ZCWPW2: variants seen among roughly 807,000 people sequenced by gnomAD.
The protein encoded by ZCWPW2 is zinc finger CW-type and PWWP domain containing 2.
ZCWPW2 carries 45 observed loss-of-function variants against 46.6 expected under a neutral mutation model. That is an observed-to-expected ratio of 0.96 (90% confidence interval 0.76 to 1.24). The LOEUF (loss-of-function observed/expected upper bound fraction) is 1.24. Ranked by LOEUF, ZCWPW2 falls within the 50% of genes most tolerant of loss-of-function variation. The pLI, the probability that ZCWPW2 is intolerant of heterozygous loss-of-function variation, is 0.00. For synonymous variants in ZCWPW2, 152 were observed against 137.1 expected, an observed-to-expected ratio of 1.11 and a Z score of -0.76; for missense variants, 429 against 403.9, an observed-to-expected ratio of 1.06 and a Z score of -0.53.
At chr3:28,468,088 G>T (rs1075144) in intron 4 of ZCWPW2, among the ~76,000 whole-genome samples, 2 of 151,908 alleles carry the variant, frequency 1.3e-5, no homozygotes, top group Admixed American at 1.3e-4. Flanking sequence ...AAGGAATTTC[G>T]AATTCTATCA....
chr3:28,447,057 T>C (rs189039844), intron 4 of ZCWPW2, among the ~76,000 whole-genome samples: 13 of 152,246 alleles, frequency 8.5e-5, no homozygotes, highest in African/African-American at 2.9e-4. Flanking sequence ...TTAGACATGA[T>C]GGCTTCACTT....
At chr3:28,479,981 G>A (rs1699374330) in intron 5 of ZCWPW2, among the ~76,000 whole-genome samples, 1 of 151,992 alleles carries the variant, frequency 6.6e-6, no homozygotes. Context: ...CCATTGATGG[G>A]CATTTAGGTT....
chr3:28,399,741 A>C (rs1235869515), intron 2 of ZCWPW2, among the ~76,000 whole-genome samples: 1 of 152,200 alleles, frequency 6.6e-6, no homozygotes, highest in Non-Finnish European at 1.5e-5. Flanking sequence ...AGAGTACTAC[A>C]TCAAGGTAAT....
chr3:28,429,769 A>G (rs1242866552), intron 3 of ZCWPW2, among the ~76,000 whole-genome samples: 2 of 152,084 alleles, frequency 1.3e-5, no homozygotes, highest in Non-Finnish European at 2.9e-5. Context: ...TGTCCCAGCC[A>G]TGGCTAAAAG....
intron 1 of ZCWPW2, among the ~76,000 whole-genome samples, chr3:28,350,102 T>G (rs539296304): frequency 4.7e-4 from 72 of 152,344 alleles, no homozygotes; most frequent in Admixed American, 2.1e-3. Flanking sequence ...AGAGCAGTGT[T>G]TTTAATATTT....
rs1055908766 is a variant in ZCWPW2 at position 28,474,637 on chromosome 3, G to A, written c.493-4177G>A. On this transcript the variant is annotated intron_variant, in intron 4 of 9. Transcript: ENST00000383768. ...TGTGTGTGTGCGCGCGCGCGCGCGCGCACATGCGCATTTGTGTATGTGTAT... is the reference window on the plus strand; with the variant it reads ...TGTGTGTGTGCGCGCGCGCGCGCGCACACATGCGCATTTGTGTATGTGTAT... Among the ~76,000 whole-genome samples, 17 of 150,848 alleles carry A rather than the reference G, an allele frequency of 1.1e-4. No homozygotes were observed. In the East Asian group the frequency reaches 2.2e-3, roughly 19 times the overall value.
At chr3:28,357,435 A>T (rs928589582) in intron 1 of ZCWPW2, among the ~76,000 whole-genome samples, 2 of 152,102 alleles carry the variant, frequency 1.3e-5, no homozygotes, top group Admixed American at 6.6e-5. Context: ...TATTTTTGGG[A>T]TGTCTTTGAG....
chr3:28,498,325 A>C (rs957113722), intron 6 of ZCWPW2, among the ~76,000 whole-genome samples: 1 of 150,806 alleles, frequency 6.6e-6, no homozygotes, highest in African/African-American at 2.4e-5. Flanking sequence ...AATTGAGACA[A>C]CTCTGTCTGC....
At chr3:28,386,450 G>A (rs942981723) in intron 1 of ZCWPW2, among the ~76,000 whole-genome samples, 2 of 152,064 alleles carry the variant, frequency 1.3e-5, no homozygotes, top group East Asian at 3.9e-4. Flanking sequence ...TCCCCAAGCA[G>A]ACTAATAGAT....
At position 28,413,238 on chromosome 3, in the gene ZCWPW2, C is replaced by CT; in HGVS notation, c.170_171insT (p.Trp58MetfsTer8). 1 of 1,613,206 alleles carries CT rather than the reference C, an allele frequency of 6.2e-7. No homozygotes were observed. Among genetic ancestry groups the CT allele is most frequent in the South Asian group, 1.1e-5 (1 of 91,052 alleles). ...TCAGCCAAGGTTGATCATGATGAAC[C>CT]ATGGTACTGCTTCATGAACACTGAT... On this transcript the variant is annotated frameshift_variant, in exon 3 of 10. Transcript: ENST00000383768. LOFTEE classifies it high-confidence loss of function.
rs1257956598 is a variant in ZCWPW2, at chr3:28,492,622, A to C, written c.657+449A>C. On this transcript the variant is annotated intron_variant, in intron 6 of 9. Transcript: ENST00000383768. ...ATTTTCTGAACCTGGAATTTTGTAA[A>C]TGAAAATTGTCAACAGCATTTTTAA... Among the ~76,000 whole-genome samples, 6 of 152,260 alleles carry C rather than the reference A, an allele frequency of 3.9e-5. No homozygotes were observed. In the East Asian group the frequency reaches 1.2e-3, roughly 29 times the overall value.
At chr3:28,414,007 C>G (rs1368413477) in intron 3 of ZCWPW2, among the ~76,000 whole-genome samples, 1 of 151,816 alleles carries the variant, frequency 6.6e-6, no homozygotes, top group Admixed American at 6.6e-5. Context: ...GTTGGTTTTC[C>G]CAAGTATGCA....
chr3:28,353,895 C>T (rs945186771), intron 1 of ZCWPW2, among the ~76,000 whole-genome samples: 6 of 152,118 alleles, frequency 3.9e-5, no homozygotes, highest in African/African-American at 1.2e-4. Flanking sequence ...GGAGGGAATC[C>T]TATACTTCTT....
At chr3:28,355,436 A>G (rs150418781) in intron 1 of ZCWPW2, among the ~76,000 whole-genome samples, 3,985 of 152,332 alleles carry the variant, frequency 0.026, 153 homozygotes, top group African/African-American at 0.085. Context: ...AAGGTAATTT[A>G]TAGATTCAAT....
chr3:28,392,679 G>A (rs1695542614), intron 2 of ZCWPW2, among the ~76,000 whole-genome samples: 1 of 152,032 alleles, frequency 6.6e-6, no homozygotes, highest in Non-Finnish European at 1.5e-5. Flanking sequence ...TTCACAAAAT[G>A]TGGTAATTAA....
chr3:28,360,484 C>T (rs991005737), intron 1 of ZCWPW2, among the ~76,000 whole-genome samples: 7 of 148,108 alleles, frequency 4.7e-5, no homozygotes, highest in South Asian at 4.3e-4. Context: ...GATTGCACCA[C>T]GGCACTCCAG....
intron 8 of ZCWPW2, among the ~76,000 whole-genome samples, chr3:28,516,797 A>G (rs2125835838): frequency 6.6e-6 from 1 of 152,084 alleles, no homozygotes; most frequent in Non-Finnish European, 1.5e-5. Flanking sequence ...CCTTGAGCCC[A>G]GGAGTTAAAG....
chr3:28,490,791 T>C (rs1468042211), intron 5 of ZCWPW2, among the ~76,000 whole-genome samples: 1 of 152,072 alleles, frequency 6.6e-6, no homozygotes, highest in Non-Finnish European at 1.5e-5. Context: ...TTACCCCTGG[T>C]TTATCAATAA....
At chr3:28,517,535 G>C (rs1454004387) in intron 8 of ZCWPW2, among the ~76,000 whole-genome samples, 2 of 152,056 alleles carry the variant, frequency 1.3e-5, no homozygotes, top group Non-Finnish European at 2.9e-5. Context: ...AGTACCAAGG[G>C]GATAGTACTC....
Sources: gnomAD v4.1 joint callset for allele counts (sites outside exome capture counted in the v4.1 genomes callset) on GRCh38, gnomAD v4.1.1 for gene constraint, MANE v1.5 for transcripts, NCBI Gene and HGNC (gene_info 2026-07-23, HGNC 2026-07-21) for gene names.